Variants in GHR observed in about 807,000 individuals in gnomAD.
GHR encodes growth hormone receptor.
Under a neutral mutation model 67.1 loss-of-function variants are expected in GHR, and 35 were observed. The observed-to-expected ratio is 0.52, with a 90% CI of 0.40 to 0.69. GHR has a LOEUF of 0.69. Among genes scored for constraint, GHR ranks in the 30% least tolerant of loss-of-function variants. GHR has a pLI of 0.00. For missense variants in GHR, 792 were observed against 764.6 expected (o/e 1.04, Z -0.42); for synonymous variants, 272 against 269.1 (o/e 1.01, Z -0.10).
chr5:42,468,278 G>T, intron 1 of GHR: 13 of 1,570,534 alleles, frequency 8.3e-6, no homozygotes, highest in Non-Finnish European at 1.1e-5. Context: ...ACCTTCACTG[G>T]GCGGCATGGG....
chr5:42,699,252 G>A (rs1374292656), intron 5 of GHR, among the ~76,000 whole-genome samples: 2 of 152,216 alleles, frequency 1.3e-5, no homozygotes, highest in Non-Finnish European at 2.9e-5. Context: ...GGTGCAGGCG[G>A]TGAGATATGG....
At chr5:42,683,257 C>T (rs1756977313) in intron 3 of GHR, among the ~76,000 whole-genome samples, 2 of 152,078 alleles carry the variant, frequency 1.3e-5, no homozygotes, top group African/African-American at 4.8e-5. Flanking sequence ...ACCTCAGCCT[C>T]CCAAAGTGCT....
intron 3 of GHR, among the ~76,000 whole-genome samples, chr5:42,666,561 T>G (rs1755989534): frequency 6.6e-6 from 1 of 152,194 alleles, no homozygotes. Context: ...TGAGTTTAAA[T>G]TAATTAAAAT....
intron 1 of GHR, among the ~76,000 whole-genome samples, chr5:42,502,878 A>C (rs574057978): frequency 6.7e-6 from 1 of 150,344 alleles, no homozygotes; most frequent in African/African-American, 2.4e-5. Context: ...CATATGTATA[A>C]TTTATGTTTT....
intron 3 of GHR, chr5:42,646,315 C>T (rs1237942877): frequency 2.2e-6 from 1 of 453,880 alleles, no homozygotes; most frequent in Admixed American, 2.4e-5. Flanking sequence ...TCTCATTATC[C>T]ATTCTTCTCT....
intron 3 of GHR, among the ~76,000 whole-genome samples, chr5:42,659,824 C>T (rs572425069): frequency 2.9e-4 from 44 of 152,212 alleles, no homozygotes; most frequent in Admixed American, 7.2e-4. Context: ...ACTCAGGAAG[C>T]GCAAGGGGAC....
intron 2 of GHR, among the ~76,000 whole-genome samples, chr5:42,594,784 G>T (rs566946313): frequency 6.6e-6 from 1 of 152,024 alleles, no homozygotes; most frequent in Non-Finnish European, 1.5e-5. Context: ...TTTATGTGAG[G>T]TTTTGTTATT....
chr5:42,646,821 C>T (rs1356136154), intron 3 of GHR, among the ~76,000 whole-genome samples: 1 of 152,104 alleles, frequency 6.6e-6, no homozygotes, highest in Non-Finnish European at 1.5e-5. Flanking sequence ...CATTACCTTG[C>T]CCACCCTAGA....
chr5:42,601,734 G>A (rs954918559), intron 2 of GHR, among the ~76,000 whole-genome samples: 3 of 152,144 alleles, frequency 2.0e-5, no homozygotes, highest in African/African-American at 7.2e-5. Flanking sequence ...TATAGAATAT[G>A]ATTGCCCTTT....
intron 3 of GHR, among the ~76,000 whole-genome samples, chr5:42,654,256 T>A (rs1445347127): frequency 1.3e-5 from 2 of 152,162 alleles, no homozygotes; most frequent in Non-Finnish European, 2.9e-5. Context: ...AAAATGAGAA[T>A]AATACAAACT....
intron 1 of GHR, among the ~76,000 whole-genome samples, chr5:42,504,392 C>A (rs1474240761): frequency 6.6e-6 from 1 of 152,132 alleles, no homozygotes; most frequent in Non-Finnish European, 1.5e-5. Context: ...TCTTTCCTGG[C>A]TTTACGTTGC....
chr5:42,456,749 C>T lies in GHR; in HGVS notation c.-12+32794C>T, dbSNP rs563157929. Among the ~76,000 whole-genome samples, 69 of 152,230 alleles carry T rather than the reference C, an allele frequency of 4.5e-4. 1 individual carries two copies. The Middle Eastern group carries it at 0.01, about 23-fold the overall frequency. ...CTTATTTCCACATCCAGAAAAGAGA[C>T]GGTAAACAAACTATACCTTTATCTG... is the stretch of plus-strand genomic sequence containing the variant. On this transcript the variant is annotated intron_variant, in intron 1 of 9. Transcript: ENST00000230882.
chr5:42,535,527 A>C (rs980489403), intron 1 of GHR, among the ~76,000 whole-genome samples: 3 of 152,072 alleles, frequency 2.0e-5, no homozygotes, highest in Non-Finnish European at 4.4e-5. Flanking sequence ...GCCTATTTTC[A>C]TACCAATACC....
intron 3 of GHR, among the ~76,000 whole-genome samples, chr5:42,668,701 A>G (rs1320357453): frequency 2.0e-5 from 3 of 152,186 alleles, no homozygotes; most frequent in Non-Finnish European, 2.9e-5. Context: ...TTTGGAGGCC[A>G]TGTGCTTGTA....
chr5:42,535,121 CT>C (rs1561103594), intron 1 of GHR, among the ~76,000 whole-genome samples: 1 of 152,128 alleles, frequency 6.6e-6, no homozygotes, highest in African/African-American at 2.4e-5. Flanking sequence ...CCCATTTACT[CT>C]GCTGACTGTT....
chr5:42,534,380 A>G (rs1161589875), intron 1 of GHR, among the ~76,000 whole-genome samples: 3 of 137,596 alleles, frequency 2.2e-5, no homozygotes, highest in Admixed American at 1.7e-4. Context: ...ATGTGTATAT[A>G]TGTATGTATA....
chr5:42,477,663 T>C (rs1745401148), intron 1 of GHR, among the ~76,000 whole-genome samples: 1 of 152,248 alleles, frequency 6.6e-6, no homozygotes, highest in Non-Finnish European at 1.5e-5. Flanking sequence ...ATGTGTTTTT[T>C]GGCTGCATAA....
chr5:42,715,069 A>G (rs191978626), intron 8 of GHR: 24 of 381,774 alleles, frequency 6.3e-5, no homozygotes, highest in African/African-American at 4.8e-4. Flanking sequence ...TACTTCTAAT[A>G]CAGTGCTTTT....
chr5:42,513,223 C>A (rs1747096198), intron 1 of GHR, among the ~76,000 whole-genome samples: 1 of 152,156 alleles, frequency 6.6e-6, no homozygotes, highest in African/African-American at 2.4e-5. Context: ...GGTGAAATTT[C>A]AATTGTGTAG....
Sources: gnomAD v4.1 joint callset for allele counts (sites outside exome capture counted in the v4.1 genomes callset) on GRCh38, gnomAD v4.1.1 for gene constraint, MANE v1.5 for transcripts, NCBI Gene and HGNC (gene_info 2026-07-23, HGNC 2026-07-21) for gene names.